Variants in LRRTM4 observed in about 807,000 individuals in gnomAD.
The protein encoded by LRRTM4 is leucine rich repeat transmembrane neuronal 4.
LRRTM4 carries 25 observed loss-of-function variants against 47.6 expected under a neutral mutation model. That is an observed-to-expected ratio of 0.53 (90% CI 0.38 to 0.73). LRRTM4 has a LOEUF of 0.73. Among genes scored for constraint, LRRTM4 ranks in the 30% least tolerant of loss-of-function variants. The pLI is 0.00. For synonymous variants in LRRTM4, 311 were observed against 269.5 expected (o/e 1.15, Z -1.51); for missense variants, 638 against 713.4 (o/e 0.89, Z 1.20).
chr2:77,460,488 C>A (rs1259297250), intron 3 of LRRTM4, among the ~76,000 whole-genome samples: 1 of 151,832 alleles, frequency 6.6e-6, no homozygotes, highest in Non-Finnish European at 1.5e-5. Flanking sequence ...TTTGCCCAGG[C>A]AAGAAAAAAG....
At chr2:76,820,422 A>G (rs1017453525) in intron 3 of LRRTM4, among the ~76,000 whole-genome samples, 2 of 151,816 alleles carry the variant, frequency 1.3e-5, no homozygotes, top group African/African-American at 4.8e-5. Context: ...AGAATAATGG[A>G]GTGTTTAAAA....
intron 3 of LRRTM4, among the ~76,000 whole-genome samples, chr2:77,486,697 C>T (rs1228673425): frequency 6.6e-6 from 1 of 152,158 alleles, no homozygotes; most frequent in Non-Finnish European, 1.5e-5. Flanking sequence ...TTACTCTAAG[C>T]AACTCTATCT....
At chr2:76,770,122 A>G (rs1437988654) in intron 3 of LRRTM4, among the ~76,000 whole-genome samples, 1 of 152,176 alleles carries the variant, frequency 6.6e-6, no homozygotes, top group African/African-American at 2.4e-5. Flanking sequence ...GTTACCAAAT[A>G]AAAGGGAAAT....
intron 3 of LRRTM4, among the ~76,000 whole-genome samples, chr2:76,754,833 C>T (rs1256112046): frequency 6.6e-6 from 1 of 152,070 alleles, no homozygotes; most frequent in East Asian, 1.9e-4. Flanking sequence ...GATTATTTTG[C>T]CAGAGGATGG....
At chr2:76,957,980 TTTA>T (rs1675731755) in intron 3 of LRRTM4, among the ~76,000 whole-genome samples, 3 of 151,630 alleles carry the variant, frequency 2.0e-5, no homozygotes, top group Admixed American at 1.3e-4. Flanking sequence ...CATAAAGTCT[TTTA>T]TTGTTATTTG....
intron 3 of LRRTM4, among the ~76,000 whole-genome samples, chr2:77,220,820 G>A (rs1674600742): frequency 6.6e-6 from 1 of 152,118 alleles, no homozygotes; most frequent in South Asian, 2.1e-4. Context: ...ATCTAGCAAG[G>A]CAGGCCAACA....
At chr2:76,861,037 G>GT (rs1250572317) in intron 3 of LRRTM4, among the ~76,000 whole-genome samples, 1 of 151,908 alleles carries the variant, frequency 6.6e-6, no homozygotes, top group African/African-American at 2.4e-5. Context: ...TAGTTTTTCT[G>GT]TTTTTTCCCT....
intron 3 of LRRTM4, among the ~76,000 whole-genome samples, chr2:77,017,765 C>T (rs992774532): frequency 8.6e-5 from 13 of 151,102 alleles, no homozygotes; most frequent in African/African-American, 3.2e-4. Flanking sequence ...TTAGGAATGA[C>T]TATGTGAATT....
intron 3 of LRRTM4, among the ~76,000 whole-genome samples, chr2:77,184,449 A>C (rs543317958): frequency 6.6e-6 from 1 of 152,240 alleles, no homozygotes; most frequent in African/African-American, 2.4e-5. Context: ...ATTCCCTATA[A>C]AAAATGGTAT....
intron 3 of LRRTM4, among the ~76,000 whole-genome samples, chr2:77,348,995 T>C (rs1671666386): frequency 6.6e-6 from 1 of 151,938 alleles, no homozygotes; most frequent in South Asian, 2.1e-4. Flanking sequence ...GCAAATATGA[T>C]TATAAATGTC....
intron 3 of LRRTM4, among the ~76,000 whole-genome samples, chr2:76,894,025 G>A (rs1290746895): frequency 6.6e-6 from 1 of 151,868 alleles, no homozygotes; most frequent in South Asian, 2.1e-4. Context: ...AAAGTCAAAT[G>A]TGCATATTAT....
chr2:76,940,640 A>G (rs759336821), intron 3 of LRRTM4, among the ~76,000 whole-genome samples: 24 of 151,676 alleles, frequency 1.6e-4, no homozygotes, highest in Non-Finnish European at 2.4e-4. Context: ...AACTTAAAAT[A>G]AAACTTAAAA....
At chr2:76,812,699 T>TTTCTTTCTTTCTTTC (rs1670772244) in intron 3 of LRRTM4, among the ~76,000 whole-genome samples, 1 of 134,064 alleles carries the variant, frequency 7.5e-6, no homozygotes, top group African/African-American at 2.7e-5. Context: ...TTCTTTCTTT[T>TTTCTTTCTTTCTTTC]CTTTCTTTAT....
At chr2:77,055,740 C>A (rs372037993) in intron 3 of LRRTM4, among the ~76,000 whole-genome samples, 5 of 151,782 alleles carry the variant, frequency 3.3e-5, no homozygotes, top group Admixed American at 6.6e-5. Context: ...CACATGCACA[C>A]GTATGTTTAT....
chr2:77,162,197 C>T lies in LRRTM4; in HGVS notation c.1551+356121G>A, dbSNP rs951944326. Among the ~76,000 whole-genome samples, 4 of 152,274 alleles carry T rather than the reference C, an allele frequency of 2.6e-5. No homozygotes were observed. In the South Asian group the frequency reaches 8.3e-4, roughly 32 times the overall value. ...TATCCCATGCCTGGCTCAGAGGATC[C>T]CACACCCACGGAGCCTCGCTCACTG... On this transcript the variant is annotated intron_variant, in intron 3 of 3. Transcript: ENST00000409884.
chr2:76,759,761 C>T (rs1673184785), intron 3 of LRRTM4, among the ~76,000 whole-genome samples: 1 of 152,018 alleles, frequency 6.6e-6, no homozygotes, highest in African/African-American at 2.4e-5. Context: ...CCTTCCCCTC[C>T]AACCCCATTT....
intron 3 of LRRTM4, chr2:77,517,648 AGAAAGGAAG>A (rs1159169176): frequency 4.1e-6 from 4 of 981,980 alleles, no homozygotes; most frequent in Non-Finnish European, 4.8e-6. Context: ...AAGAAGGAAG[AGAAAGGAAG>A]GAAAGGAAGG....
At chr2:77,234,298 C>T (rs945292742) in intron 3 of LRRTM4, among the ~76,000 whole-genome samples, 4 of 152,054 alleles carry the variant, frequency 2.6e-5, no homozygotes, top group Non-Finnish European at 4.4e-5. Context: ...ATAGCCTACC[C>T]AACCATAAAA....
chr2:76,959,447 G>T (rs903489333), intron 3 of LRRTM4, among the ~76,000 whole-genome samples: 31 of 150,028 alleles, frequency 2.1e-4, no homozygotes, highest in African/African-American at 7.3e-4. Flanking sequence ...TATTTCTGGG[G>T]AAAAAAAACA....
Sources: gnomAD v4.1 joint callset for allele counts (sites outside exome capture counted in the v4.1 genomes callset) on GRCh38, gnomAD v4.1.1 for gene constraint, MANE v1.5 for transcripts, NCBI Gene and HGNC (gene_info 2026-07-23, HGNC 2026-07-21) for gene names.